The following CHD6 variants were observed in gnomAD, a reference collection of about 807,000 sequenced individuals.
The protein encoded by CHD6 is ATP-dependent chromatin remodeler CHD6.
Under a neutral mutation model 276.9 loss-of-function variants are expected in CHD6, and 50 were observed. The observed-to-expected ratio is 0.18, with a 90% CI of 0.14 to 0.23. The LOEUF (loss-of-function observed/expected upper bound fraction) is 0.23. CHD6 is among the 10% of genes least tolerant of loss of function. The pLI, the probability that CHD6 is intolerant of heterozygous loss-of-function variation, is 1.00. For missense variants in CHD6, 2,564 were observed against 3,365.8 expected, an observed-to-expected ratio of 0.76 and a Z score of 5.89; for synonymous variants, 1,173 against 1,229.3, an observed-to-expected ratio of 0.95 and a Z score of 0.96.
chr20:41,457,475 C>T (rs750182735), intron 17 of CHD6, 47 bp from the exon 18 acceptor site: 39 of 1,576,812 alleles, frequency 2.5e-5, no homozygotes, highest in Non-Finnish European at 3.0e-5. Flanking sequence ...TATGTATAAA[C>T]GGCAGCAACC....
At chr20:41,531,678 G>A (rs903415157) in intron 3 of CHD6, among the ~76,000 whole-genome samples, 1 of 152,204 alleles carries the variant, frequency 6.6e-6, no homozygotes, top group Non-Finnish European at 1.5e-5. Context: ...GATGAAAGAT[G>A]AAATTCCCTG....
intron 13 of CHD6, among the ~76,000 whole-genome samples, 200 bp from the exon 14 acceptor site, chr20:41,488,008 C>T (rs1310720892): frequency 6.6e-6 from 1 of 152,150 alleles, no homozygotes; most frequent in Admixed American, 6.5e-5. Flanking sequence ...TCCAGCAGCA[C>T]GTTCATGTTA....
At chr20:41,424,078 T>C (rs1332980146) in intron 29 of CHD6, among the ~76,000 whole-genome samples, 4 of 152,160 alleles carry the variant, frequency 2.6e-5, no homozygotes, top group African/African-American at 9.7e-5. Context: ...TAGCCTTATT[T>C]TTTTTTACCC....
intron 1 of CHD6, among the ~76,000 whole-genome samples, chr20:41,605,136 A>G (rs988642907): frequency 6.6e-6 from 1 of 152,162 alleles, no homozygotes; most frequent in Non-Finnish European, 1.5e-5. Flanking sequence ...TGGTATTGTC[A>G]CAAAAAAAGT....
chr20:41,410,402 C>T (rs1269832099), intron 36 of CHD6, among the ~76,000 whole-genome samples: 1 of 152,148 alleles, frequency 6.6e-6, no homozygotes, highest in East Asian at 1.9e-4. Flanking sequence ...ACATTTGGGT[C>T]TCCAGAACTG....
chr20:41,605,673 C>G (rs2045819794), intron 1 of CHD6, among the ~76,000 whole-genome samples: 1 of 152,150 alleles, frequency 6.6e-6, no homozygotes, highest in Non-Finnish European at 1.5e-5. Flanking sequence ...TACAGAGAGA[C>G]AGCATGGATA....
intron 2 of CHD6, among the ~76,000 whole-genome samples, chr20:41,539,911 T>C (rs187421466): frequency 2.0e-5 from 3 of 152,298 alleles, no homozygotes; most frequent in East Asian, 3.9e-4. Flanking sequence ...ATGTCTACAT[T>C]TGGGAAGCAA....
chr20:41,571,389 ATTTTTTTTTTTTT>A (rs11373605), intron 1 of CHD6, among the ~76,000 whole-genome samples: 1 of 129,964 alleles, frequency 7.7e-6, no homozygotes, highest in Non-Finnish European at 1.6e-5. Flanking sequence ...CTGGCCATTA[ATTTTTTTTTTTTT>A]TTTTTTTTTA....
intron 1 of CHD6, among the ~76,000 whole-genome samples, chr20:41,557,108 C>T (rs1410135143): frequency 6.6e-5 from 10 of 152,202 alleles, no homozygotes. Context: ...GATAATTCTA[C>T]AGATAACTCC....
At chr20:41,611,447 T>C (rs530032562) in intron 1 of CHD6, among the ~76,000 whole-genome samples, 1 of 152,310 alleles carries the variant, frequency 6.6e-6, no homozygotes, top group African/African-American at 2.4e-5. Context: ...GTAGTTCCCG[T>C]GCAGATATTG....
chr20:41,560,130 T>A (rs1245990579), intron 1 of CHD6, among the ~76,000 whole-genome samples: 1 of 152,190 alleles, frequency 6.6e-6, no homozygotes, highest in Non-Finnish European at 1.5e-5. Context: ...CCATGTCTCC[T>A]ACCCTCACCC....
At chr20:41,570,238 T>C (rs536992936) in intron 1 of CHD6, among the ~76,000 whole-genome samples, 59 of 152,368 alleles carry the variant, frequency 3.9e-4, no homozygotes, top group African/African-American at 1.4e-3. Flanking sequence ...TCTCATTAGG[T>C]TGAATATGAA....
At chr20:41,460,254 A>C (rs1336814304) in intron 17 of CHD6, among the ~76,000 whole-genome samples, 3 of 152,252 alleles carry the variant, frequency 2.0e-5, no homozygotes, top group Non-Finnish European at 4.4e-5. Context: ...AAAAATTTGG[A>C]AAATTTGCAG....
intron 2 of CHD6, among the ~76,000 whole-genome samples, chr20:41,550,585 TC>T (rs1179390982): frequency 6.6e-6 from 1 of 151,882 alleles, no homozygotes; most frequent in Non-Finnish European, 1.5e-5. Flanking sequence ...TGTTACAGAG[TC>T]CCAGTGAAAA....
intron 27 of CHD6, among the ~76,000 whole-genome samples, chr20:41,436,958 T>C (rs1238340460): frequency 6.6e-6 from 1 of 152,188 alleles, no homozygotes; most frequent in Non-Finnish European, 1.5e-5. Flanking sequence ...TCCATATCAG[T>C]ATCCTGGTTG....
chr20:41,572,673 T>G (rs1016088891), intron 1 of CHD6, among the ~76,000 whole-genome samples: 1 of 152,116 alleles, frequency 6.6e-6, no homozygotes, highest in African/African-American at 2.4e-5. Flanking sequence ...TGCCTACCCA[T>G]CAGGTTTGGT....
At chr20:41,426,902 T>C (rs750448971) in intron 27 of CHD6, among the ~76,000 whole-genome samples, 6 of 152,224 alleles carry the variant, frequency 3.9e-5, no homozygotes, top group Non-Finnish European at 8.8e-5. Flanking sequence ...AACTGGACTC[T>C]AATTTCAACA....
chr20:41,589,425 A>C (rs1941160044), intron 1 of CHD6, among the ~76,000 whole-genome samples: 1 of 152,172 alleles, frequency 6.6e-6, no homozygotes, highest in African/African-American at 2.4e-5. Context: ...AGGAAGTCAA[A>C]CCGTCCCTGT....
At chr20:41,555,911 T>C (rs979802794) in intron 1 of CHD6, among the ~76,000 whole-genome samples, 3 of 151,850 alleles carry the variant, frequency 2.0e-5, no homozygotes, top group Non-Finnish European at 4.4e-5. Context: ...GGCTGGGTGG[T>C]GGAGGTTGTA....
Sources: gnomAD v4.1 joint callset for allele counts (sites outside exome capture counted in the v4.1 genomes callset) on GRCh38, gnomAD v4.1.1 for gene constraint, MANE v1.5 for transcripts, NCBI Gene and HGNC (gene_info 2026-07-23, HGNC 2026-07-21) for gene names.